Variants in NXPH2 observed in about 807,000 individuals in gnomAD.
NXPH2 encodes neurexophilin 2.
A neutral mutation model predicts 19.8 loss-of-function variants in NXPH2; 5 were observed. The observed-to-expected ratio is 0.25, with a 90% confidence interval of 0.13 to 0.53. The LOEUF is 0.53. Ranked by LOEUF, NXPH2 falls within the 20% of genes least tolerant of loss-of-function variation. The probability of loss-of-function intolerance (pLI) is 0.96; values close to 1 mark genes in which losing one functional copy is unlikely to be tolerated. For synonymous variants in NXPH2, 154 were observed against 127.4 expected (o/e 1.21, Z -1.41); for missense variants, 289 against 322.8 (o/e 0.90, Z 0.80).
intron 1 of NXPH2, 48 bp from the exon 2 acceptor site, chr2:138,671,713 CT>C (rs1558909816): frequency 6.7e-7 from 1 of 1,501,848 alleles, no homozygotes; most frequent in Non-Finnish European, 8.9e-7. Context: ...AGTGCCGTGA[CT>C]GCGCACTCAA....
chr2:138,746,577 A>G (rs902945854), intron 1 of NXPH2, among the ~76,000 whole-genome samples: 1 of 152,204 alleles, frequency 6.6e-6, no homozygotes, highest in Non-Finnish European at 1.5e-5. Context: ...AAACTGCCAC[A>G]ATGGATGAGG....
At chr2:138,720,309 T>G (rs1291210487) in intron 1 of NXPH2, among the ~76,000 whole-genome samples, 1 of 152,208 alleles carries the variant, frequency 6.6e-6, no homozygotes. Flanking sequence ...AAAACAAGTA[T>G]GCTTGTAAAC....
chr2:138,755,137 G>A lies in NXPH2; in HGVS notation c.51+25054C>T, dbSNP rs565587606. On this transcript the variant is annotated intron_variant, in intron 1 of 1. Transcript: ENST00000272641. The stretch of plus-strand genomic sequence containing the variant: ...ATATATATTCAGCATATATATCTCA[G>A]TATACGGCTTATCTTTTCATTCTTT... Among the ~76,000 whole-genome samples the A allele has an allele frequency of 3.3e-5, 5 of 152,062 alleles. No homozygotes were observed. The South Asian group carries it at 1.0e-3, about 32-fold the overall frequency.
At chr2:138,706,057 T>C (rs1681004859) in intron 1 of NXPH2, among the ~76,000 whole-genome samples, 1 of 152,232 alleles carries the variant, frequency 6.6e-6, no homozygotes, top group African/African-American at 2.4e-5. Flanking sequence ...TTCTGCTCTG[T>C]ATGTGTTTAC....
chr2:138,695,367 G>C (rs553863738), intron 1 of NXPH2, among the ~76,000 whole-genome samples: 32 of 152,238 alleles, frequency 2.1e-4, no homozygotes, highest in African/African-American at 7.7e-4. Flanking sequence ...AGAAAGTTTA[G>C]CATTTCTATG....
At chr2:138,688,199 T>C (rs545480100) in intron 1 of NXPH2, among the ~76,000 whole-genome samples, 6 of 152,340 alleles carry the variant, frequency 3.9e-5, no homozygotes, top group East Asian at 1.9e-4. Context: ...TTTGTTTGTG[T>C]TGGAGATGGA....
chr2:138,764,147 G>C (rs774328939), intron 1 of NXPH2, among the ~76,000 whole-genome samples: 6 of 152,068 alleles, frequency 3.9e-5, no homozygotes, highest in Non-Finnish European at 7.4e-5. Context: ...CCTTTGAGGA[G>C]AGGTCTGCAA....
At chr2:138,674,198 G>A (rs1558910456) in intron 1 of NXPH2, among the ~76,000 whole-genome samples, 1 of 151,696 alleles carries the variant, frequency 6.6e-6, no homozygotes, top group Non-Finnish European at 1.5e-5. Flanking sequence ...CTATCACCCA[G>A]GCTGGAGTGG....
intron 1 of NXPH2, among the ~76,000 whole-genome samples, chr2:138,765,532 T>G (rs1490753852): frequency 6.6e-6 from 1 of 152,176 alleles, no homozygotes; most frequent in East Asian, 1.9e-4. Flanking sequence ...TAACTAAAAA[T>G]GCATTCCAAT....
At position 138,669,879 on chromosome 2, in the gene NXPH2, T is replaced by G. The variant is rs1680390026; in HGVS notation, c.*1043A>C. Among the ~76,000 whole-genome samples the G allele has an allele frequency of 6.6e-6, 1 of 152,224 alleles. No homozygotes were observed. Among genetic ancestry groups the G allele is most frequent in the African/African-American group, 2.4e-5 (1 of 41,460 alleles). ...ATAATTAGAAATGTTTAAATATAAC[T>G]CTCTATTTCCACATAGAGTTTGATC... is the stretch of plus-strand genomic sequence containing the variant. On this transcript the variant is annotated 3_prime_UTR_variant, in exon 2 of 2. Coordinates refer to ENST00000272641, the MANE Select transcript of NXPH2 (RefSeq NM_007226.3).
Position 138,774,413 on chromosome 2 carries a change from A to G in NXPH2, c.51+5778T>C, listed in dbSNP as rs1682227415. 2.0e-5 allele frequency among the ~76,000 whole-genome samples: 3 copies of G among 152,198 alleles called. No homozygotes were observed. The South Asian group carries it at 6.2e-4, about 32-fold the overall frequency. On this transcript the variant is annotated intron_variant, in intron 1 of 1. Transcript: ENST00000272641. ...CTTCTAAGTATATACATCACTTGTG[A>G]TGTGGTTAACAGCATAAAATACATG...
rs72988918 is a variant in NXPH2, at chr2:138,702,479, A to T, written c.52-30814T>A. 3.5e-3 allele frequency among the ~76,000 whole-genome samples: 536 copies of T among 152,158 alleles called. 3 individuals are homozygous for T. The highest frequency in any genetic ancestry group is 8.7e-3 in the African/African-American group (363 of 41,524). ...GTCCTGACTTGAATAAAACTATAAA[A>T]TCGTCCAATAGCCTCTTCTCACCTC... On this transcript the variant is annotated intron_variant, in intron 1 of 1. Coordinates refer to ENST00000272641, the MANE Select transcript of NXPH2 (RefSeq NM_007226.3).
At chr2:138,764,127 A>G (rs1480806423) in intron 1 of NXPH2, among the ~76,000 whole-genome samples, 6 of 152,160 alleles carry the variant, frequency 3.9e-5, no homozygotes, top group Admixed American at 2.0e-4. Flanking sequence ...ACAGAGAAAC[A>G]CTTAACATAC....
intron 1 of NXPH2, among the ~76,000 whole-genome samples, chr2:138,757,142 A>G (rs1681921542): frequency 6.6e-6 from 1 of 152,232 alleles, no homozygotes; most frequent in Admixed American, 6.5e-5. Flanking sequence ...TAATTTAAGC[A>G]TACTATAAAG....
chr2:138,747,214 G>A (rs1003288537), intron 1 of NXPH2, among the ~76,000 whole-genome samples: 6 of 152,134 alleles, frequency 3.9e-5, no homozygotes, highest in African/African-American at 1.2e-4. Context: ...TGACAATTCA[G>A]TTCTTATTAA....
chr2:138,721,719 G>A (rs775607412), intron 1 of NXPH2, among the ~76,000 whole-genome samples: 6 of 152,174 alleles, frequency 3.9e-5, no homozygotes, highest in Non-Finnish European at 5.9e-5. Flanking sequence ...TTAAAGAATC[G>A]CCCTTGCTAG....
intron 1 of NXPH2, among the ~76,000 whole-genome samples, chr2:138,746,755 C>T (rs1681742472): frequency 6.6e-6 from 1 of 152,166 alleles, no homozygotes; most frequent in Non-Finnish European, 1.5e-5. Context: ...AAATTCCTAC[C>T]ATCAATTTCA....
chr2:138,671,450 C>T lies in NXPH2; in HGVS notation c.267G>A (p.Glu89=). 6.2e-7 allele frequency: 1 copy of T among 1,613,904 alleles called. No homozygotes were observed. The highest frequency in any genetic ancestry group is 2.2e-5 in the East Asian group (1 of 44,886). ...TAGTTCTTGCCAATGGCTCCTGAAT[C>T]TCCGTGATGTTGGCCAGCCAATCCC... The part of the protein sequence containing the change: ...NFWDWLANIT[E]IQEPLARTKR... The change falls in exon 2 of 2, where the codon GAG becomes GAA. Residue 89 remains glutamate (E), a synonymous_variant. Coordinates refer to ENST00000272641, the MANE Select transcript of NXPH2 (RefSeq NM_007226.3).
rs566978187 is a variant in NXPH2 at position 138,716,295 on chromosome 2, C to T, written c.52-44630G>A. 3.3e-5 allele frequency among the ~76,000 whole-genome samples: 5 copies of T among 152,184 alleles called. No individual in the cohort carries two copies. In the South Asian group the frequency reaches 6.2e-4, roughly 19 times the overall value. The stretch of plus-strand genomic sequence containing the variant: ...CATAAAATGGATGGTAGTAGGAGAC[C>T]GGGCCTCGGGGAGGAAACTAGGTTT... On this transcript the variant is annotated intron_variant, in intron 1 of 1. Coordinates refer to ENST00000272641, the MANE Select transcript of NXPH2 (RefSeq NM_007226.3).
Sources: gnomAD v4.1 joint callset for allele counts (sites outside exome capture counted in the v4.1 genomes callset) on GRCh38, gnomAD v4.1.1 for gene constraint, MANE v1.5 for transcripts, NCBI Gene and HGNC (gene_info 2026-07-23, HGNC 2026-07-21) for gene names.